Variants in PLCE1 observed in about 807,000 individuals in gnomAD.
The protein encoded by PLCE1 is phospholipase C epsilon 1.
In PLCE1, 119 loss-of-function variants were observed where a neutral mutation model predicts 242.8. The ratio of observed to expected loss-of-function variants is 0.49; its 90% confidence interval spans 0.42 to 0.57. The LOEUF (loss-of-function observed/expected upper bound fraction) is 0.57, where lower values mean the gene tolerates loss of function less well. Among genes scored for constraint, PLCE1 ranks in the 20% least tolerant of loss-of-function variants. The pLI, the probability that PLCE1 is intolerant of heterozygous loss-of-function variation, is 0.00. For missense variants in PLCE1, 2,441 were observed against 2,788.8 expected (o/e 0.88, Z 2.81); for synonymous variants, 945 against 1,017.4 (o/e 0.93, Z 1.35).
chr10:94,208,442 G>A (rs1300342301), intron 4 of PLCE1, among the ~76,000 whole-genome samples: 1 of 152,198 alleles, frequency 6.6e-6, no homozygotes, highest in African/African-American at 2.4e-5. Flanking sequence ...ATTCCAGATT[G>A]GAAGAGACAG....
intron 4 of PLCE1, among the ~76,000 whole-genome samples, chr10:94,184,726 G>C (rs970815146): frequency 6.6e-6 from 1 of 152,172 alleles, no homozygotes; most frequent in Non-Finnish European, 1.5e-5. Flanking sequence ...TTAGTTTTCT[G>C]TACATAGCCT....
intron 4 of PLCE1, among the ~76,000 whole-genome samples, chr10:94,183,250 C>A (rs2048366855): frequency 6.6e-6 from 1 of 152,302 alleles, no homozygotes; most frequent in African/African-American, 2.4e-5. Context: ...TTTAAACATT[C>A]ATAAATCCAA....
chr10:94,057,578 A>G (rs1467739888), intron 2 of PLCE1, among the ~76,000 whole-genome samples: 1 of 152,210 alleles, frequency 6.6e-6, no homozygotes, highest in Non-Finnish European at 1.5e-5. Context: ...TTGATGCCGC[A>G]CTTTTCTCTC....
At chr10:94,088,962 A>T in intron 2 of PLCE1, 1 of 921,900 alleles carries the variant, frequency 1.1e-6, no homozygotes. Context: ...CTGACTCTGG[A>T]TCGCAGCCCT....
chr10:94,312,646 C>T (rs982893852), intron 27 of PLCE1, among the ~76,000 whole-genome samples: 1 of 152,226 alleles, frequency 6.6e-6, no homozygotes, highest in Non-Finnish European at 1.5e-5. Context: ...TCCCCTCTAG[C>T]TATCTCATTC....
At chr10:94,325,183 T>TC in intron 32 of PLCE1, 79 bp downstream of exon 32, 1 of 1,017,476 alleles carries the variant, frequency 9.8e-7, no homozygotes, top group Non-Finnish European at 1.5e-6. Flanking sequence ...TAGTACAATG[T>TC]CTTTTATCTT....
intron 4 of PLCE1, among the ~76,000 whole-genome samples, chr10:94,212,420 C>A (rs1029780076): frequency 1.1e-4 from 17 of 152,148 alleles, no homozygotes; most frequent in Non-Finnish European, 2.2e-4. Context: ...CTACGCCCAG[C>A]TGATTTTTTG....
intron 2 of PLCE1, among the ~76,000 whole-genome samples, chr10:94,114,851 T>C (rs1590055528): frequency 6.6e-6 from 1 of 151,856 alleles, no homozygotes; most frequent in African/African-American, 2.4e-5. Context: ...ATGTGCCATG[T>C]TGGTGTGCTG....
chr10:94,249,113 A>G (rs982291576), intron 8 of PLCE1, among the ~76,000 whole-genome samples: 4 of 152,136 alleles, frequency 2.6e-5, no homozygotes, highest in Admixed American at 6.5e-5. Context: ...CTCATACTCA[A>G]CCACTTCTGA....
chr10:94,298,489 C>T lies in PLCE1; in HGVS notation c.5278C>T (p.Leu1760=), dbSNP rs767304221. ...TCCCAAATGTTATCATATCTCGTCG[C>T]TGAATGAAAATGCCGCCAAACGTCT... The part of the protein sequence containing the change: ...RTPKCYHISS[L]NENAAKRLCR... The change falls in exon 24 of 33, where the codon CTG becomes TTG. Residue 1760 remains leucine, a synonymous_variant. Coordinates refer to ENST00000371380, the MANE Select transcript of PLCE1 (RefSeq NM_016341.4). The surrounding 1 kb of genome is among the most constrained non-coding windows in gnomAD (Gnocchi z 5.2). 5.0e-6 allele frequency: 8 copies of T among 1,613,958 alleles called. No homozygotes were observed. Among genetic ancestry groups the T allele is most frequent in the Non-Finnish European group, 6.8e-6 (8 of 1,180,004 alleles).
intron 2 of PLCE1, among the ~76,000 whole-genome samples, chr10:94,061,558 A>G (rs1020621258): frequency 1.3e-5 from 2 of 152,216 alleles, no homozygotes; most frequent in Non-Finnish European, 2.9e-5. Flanking sequence ...GATCAAGAAG[A>G]TAATGCACTG....
chr10:94,127,175 G>A (rs2046459193), intron 2 of PLCE1, among the ~76,000 whole-genome samples: 1 of 152,198 alleles, frequency 6.6e-6, no homozygotes, highest in Admixed American at 6.5e-5. Flanking sequence ...GTTAACATCT[G>A]CTGTGTAGCA....
intron 2 of PLCE1, among the ~76,000 whole-genome samples, chr10:94,112,294 A>G (rs74477392): frequency 0.022 from 3,343 of 152,366 alleles, 59 homozygotes; most frequent in Non-Finnish European, 0.037. Context: ...AAACAAATGC[A>G]TTCAATTAGG....
In PLCE1 at chr10:94,313,397, C is replaced by A; in HGVS notation, c.6132+15C>A. 1 of 1,614,020 alleles carries A rather than the reference C, an allele frequency of 6.2e-7. No individual in the cohort carries two copies. Among genetic ancestry groups the A allele is most frequent in the East Asian group, 2.2e-5 (1 of 44,868 alleles). On this transcript the variant is annotated intron_variant, in intron 28 of 32. Coordinates refer to ENST00000371380, the MANE Select transcript of PLCE1 (RefSeq NM_016341.4). ...TTCTGCAGCAAGTAAGTCCACTGAG[C>A]CGTGGTTGGGAGAATCCAAAATCTA... is the stretch of plus-strand genomic sequence containing the variant.
chr10:94,210,262 T>G (rs1194147269), intron 4 of PLCE1, among the ~76,000 whole-genome samples: 1 of 152,088 alleles, frequency 6.6e-6, no homozygotes. Context: ...AAGAGATTTC[T>G]TGAGCCAGAT....
At chr10:94,182,211 G>A (rs1194558073) in intron 4 of PLCE1, among the ~76,000 whole-genome samples, 1 of 150,530 alleles carries the variant, frequency 6.6e-6, no homozygotes, top group Non-Finnish European at 1.5e-5. Context: ...CTTGAGAATT[G>A]TTCCACGTAC....
At chr10:94,270,680 TG>T in intron 18 of PLCE1, 78 bp downstream of exon 18, 1 of 945,706 alleles carries the variant, frequency 1.1e-6, no homozygotes, top group Non-Finnish European at 1.7e-6. Flanking sequence ...TGTTTTGTTT[TG>T]TTTTTTGAGA....
At position 94,177,668 on chromosome 10, in the gene PLCE1, A is replaced by G. The variant is rs146559218; in HGVS notation, c.1809+6172A>G. Among the ~76,000 whole-genome samples the G allele has an allele frequency of 4.2e-3, 639 of 152,110 alleles. 5 individuals carry two copies. Among genetic ancestry groups the G allele is most frequent in the African/African-American group, 0.013 (552 of 41,468 alleles). ...TCAAATCATATTGTTCTTTTTTCCT[A>G]TCCTTCATCTTCCTGCATCTAGCTT... On this transcript the variant is annotated intron_variant, in intron 4 of 32. Coordinates refer to ENST00000371380, the MANE Select transcript of PLCE1 (RefSeq NM_016341.4).
At chr10:94,278,613 G>A (rs1190689335) in intron 19 of PLCE1, among the ~76,000 whole-genome samples, 1 of 152,014 alleles carries the variant, frequency 6.6e-6, no homozygotes, top group Non-Finnish European at 1.5e-5. Context: ...TTCATTTTAT[G>A]CATTTAAAAC....
Sources: allele counts gnomAD v4.1 joint callset (sites outside exome capture counted in the v4.1 genomes callset), GRCh38; gene constraint gnomAD v4.1.1; non-coding constraint Gnocchi (gnomAD v3.1); transcripts MANE v1.5; gene names NCBI Gene and HGNC (gene_info 2026-07-23, HGNC 2026-07-21).